Variants in OPRM1 observed in about 807,000 individuals in gnomAD.
The protein encoded by OPRM1 is mu-type opioid receptor.
Under a neutral mutation model 31.8 loss-of-function variants are expected in OPRM1, and 27 were observed. The ratio of observed to expected loss-of-function variants is 0.85; its 90% CI spans 0.63 to 1.17. OPRM1 has a LOEUF of 1.17. Among genes scored for constraint, OPRM1 ranks in the 50% most tolerant of loss-of-function variants. OPRM1 has a pLI of 0.00. For missense variants in OPRM1, 536 were observed against 511.1 expected (o/e 1.05, Z -0.47); for synonymous variants, 196 against 189.9 (o/e 1.03, Z -0.26).
Position 154,236,809 on chromosome 6 carries a change from A to C in OPRM1, c.1165-9884A>C, listed in dbSNP as rs373770019. Among the ~76,000 whole-genome samples, 11 of 152,256 alleles carry C rather than the reference A, an allele frequency of 7.2e-5. No individual in the cohort carries two copies. The East Asian group carries it at 1.2e-3, about 16-fold the overall frequency. On this transcript the variant is annotated intron_variant, in intron 3 of 3. Coordinates refer to the OPRM1 transcript ENST00000337049. ...TCAAGGAGCCTCAGCATCAGGGTAG[A>C]ATCAGGGTAGAATTAAAATTGGGTG... is the stretch of plus-strand genomic sequence containing the variant.
intron 3 of OPRM1, among the ~76,000 whole-genome samples, chr6:154,160,898 C>G (rs952930601): frequency 9.2e-5 from 14 of 152,168 alleles, no homozygotes; most frequent in African/African-American, 3.4e-4. Flanking sequence ...CCTCCAATGC[C>G]CACTTCAACT....
At chr6:154,062,154 C>G (rs953977468) in intron 1 of OPRM1, among the ~76,000 whole-genome samples, 1 of 151,980 alleles carries the variant, frequency 6.6e-6, no homozygotes, top group African/African-American at 2.4e-5. Context: ...TTAAATATGA[C>G]TGTCCAATAG....
At chr6:154,215,462 C>T (rs1015840235) in intron 3 of OPRM1, among the ~76,000 whole-genome samples, 8 of 151,832 alleles carry the variant, frequency 5.3e-5, no homozygotes, top group African/African-American at 1.7e-4. Context: ...CAAAATTAGC[C>T]GGGTGTGGTG....
chr6:154,223,988 A>G (rs1303439365), intron 3 of OPRM1, among the ~76,000 whole-genome samples: 1 of 152,124 alleles, frequency 6.6e-6, no homozygotes, highest in Non-Finnish European at 1.5e-5. Context: ...TCACTGTCCC[A>G]CCTCTCTAAG....
chr6:154,107,843 C>A, intron 3 of OPRM1: 1 of 704,562 alleles, frequency 1.4e-6, no homozygotes, highest in Non-Finnish European at 2.6e-6. Context: ...CCTGAAGTAT[C>A]CCTCAACACA....
intron 3 of OPRM1, among the ~76,000 whole-genome samples, chr6:154,235,522 A>G (rs1259868078): frequency 8.4e-6 from 1 of 118,950 alleles, no homozygotes; most frequent in Non-Finnish European, 1.6e-5. Flanking sequence ...CAAGAGCAAA[A>G]CTCTGTCACA....
intron 3 of OPRM1, among the ~76,000 whole-genome samples, chr6:154,115,782 A>T (rs1562486443): frequency 6.6e-6 from 1 of 152,228 alleles, no homozygotes; most frequent in South Asian, 2.1e-4. Flanking sequence ...ATTGATCTCC[A>T]CAAAGGAATC....
intron 3 of OPRM1, among the ~76,000 whole-genome samples, chr6:154,162,342 C>T (rs1441200177): frequency 6.6e-6 from 1 of 152,194 alleles, no homozygotes; most frequent in African/African-American, 2.4e-5. Context: ...TCTACTTTTT[C>T]CTGTCTCCAG....
chr6:154,232,119 C>T (rs542078353), intron 3 of OPRM1, among the ~76,000 whole-genome samples: 2 of 152,242 alleles, frequency 1.3e-5, no homozygotes, highest in East Asian at 1.9e-4. Context: ...CATACAATAG[C>T]GTCCATGGCA....
chr6:154,059,415 G>A (rs950657834), intron 1 of OPRM1, among the ~76,000 whole-genome samples: 3 of 152,190 alleles, frequency 2.0e-5, no homozygotes, highest in Non-Finnish European at 4.4e-5. Flanking sequence ...CTCAATGTGT[G>A]ACTAGTGAGT....
intron 1 of OPRM1, among the ~76,000 whole-genome samples, chr6:154,033,248 T>C (rs1203493681): frequency 6.6e-6 from 1 of 152,126 alleles, no homozygotes; most frequent in Non-Finnish European, 1.5e-5. Context: ...TGAAAGTCCC[T>C]AAAGTCCTTG....
intron 3 of OPRM1, among the ~76,000 whole-genome samples, chr6:154,185,748 C>T (rs1801283870): frequency 6.6e-6 from 1 of 152,156 alleles, no homozygotes; most frequent in Non-Finnish European, 1.5e-5. Context: ...ACATAAAATA[C>T]ACTAACAATA....
chr6:154,060,692 G>T (rs1213757644), intron 1 of OPRM1, among the ~76,000 whole-genome samples: 1 of 152,096 alleles, frequency 6.6e-6, no homozygotes, highest in East Asian at 1.9e-4. Context: ...GTGGATTTCT[G>T]CCTCCCTGGG....
At chr6:154,227,419 T>C (rs769375946) in intron 3 of OPRM1, among the ~76,000 whole-genome samples, 6 of 151,502 alleles carry the variant, frequency 4.0e-5, no homozygotes, top group Non-Finnish European at 7.4e-5. Flanking sequence ...ATATTTTTAT[T>C]CATCTAAAAA....
upstream of OPRM1, chr6:154,038,990 G>T: frequency 1.5e-6 from 1 of 680,786 alleles, no homozygotes; most frequent in Non-Finnish European, 2.3e-6. Context: ...AAGAGCATTG[G>T]GGTTTTAGGG....
rs184238482 is a variant in OPRM1, at chr6:154,028,081, C to A, written c.1-11080C>A. Among the ~76,000 whole-genome samples the A allele has an allele frequency of 2.0e-5, 3 of 152,326 alleles. No homozygotes were observed. In the East Asian group the frequency reaches 5.8e-4, roughly 29 times the overall value. On this transcript the variant is annotated intron_variant, in intron 1 of 5. Coordinates refer to the OPRM1 transcript ENST00000434900. ...ACCCCATAGTCACCATGGCTGGGAA[C>A]CTGCTGAGTCTCACTTGAAGCCATC...
chr6:154,118,899 G>GT lies in OPRM1; in HGVS notation c.*179dup. The GT allele has an allele frequency of 7.1e-7, 1 of 1,418,268 alleles. No individual in the cohort carries two copies. The highest frequency in any genetic ancestry group is 9.2e-7 in the Non-Finnish European group (1 of 1,090,684). The allele number at this position is 1,418,268 out of a possible 1,614,324, so 87.9% of individuals were successfully genotyped here. A position where few individuals can be genotyped will look rare whatever the true frequency, so the allele number is the denominator to read the frequency against. Reference sequence around the variant, plus strand: ...CTGCACATTAGAGGGACAGCCAAAAGTAAGTGGAGCATTTGGAAGGAAAGG... The same window carrying GT: ...CTGCACATTAGAGGGACAGCCAAAAGTTAAGTGGAGCATTTGGAAGGAAAGG... On this transcript the variant is annotated 3_prime_UTR_variant, in exon 4 of 4. Transcript: ENST00000330432.
chr6:154,136,331 T>A (rs372446609), downstream of OPRM1, among the ~76,000 whole-genome samples: 1 of 152,272 alleles, frequency 6.6e-6, no homozygotes, highest in South Asian at 2.1e-4. Flanking sequence ...AGGCTAAATA[T>A]TTAATACGAA....
At chr6:154,106,376 C>A (rs1795575355) in intron 3 of OPRM1, among the ~76,000 whole-genome samples, 1 of 152,130 alleles carries the variant, frequency 6.6e-6, no homozygotes, top group Non-Finnish European at 1.5e-5. Flanking sequence ...CAGAACACTC[C>A]AGGCAGAAGT....
Sources: gnomAD v4.1 joint callset for allele counts (sites outside exome capture counted in the v4.1 genomes callset) on GRCh38, gnomAD v4.1.1 for gene constraint, MANE v1.5 for transcripts, NCBI Gene and HGNC (gene_info 2026-07-23, HGNC 2026-07-21) for gene names.